POLQ: variants seen among roughly 807,000 people sequenced by gnomAD.
The protein encoded by POLQ is DNA polymerase theta.
POLQ carries 233 observed loss-of-function variants against 259.2 expected under a neutral mutation model. The ratio of observed to expected loss-of-function variants is 0.90; its 90% confidence interval spans 0.81 to 1.00. The LOEUF (loss-of-function observed/expected upper bound fraction) is 1.00. Ranked by LOEUF, POLQ falls within the 50% of genes least tolerant of loss-of-function variation. The probability of loss-of-function intolerance (pLI) is 0.00; values close to 1 mark genes in which losing one functional copy is unlikely to be tolerated. For synonymous variants in POLQ, 1,025 were observed against 1,048.8 expected (o/e 0.98, Z 0.44); for missense variants, 2,871 against 3,051.6 (o/e 0.94, Z 1.39).
chr3:121,510,743 T>C (rs780153524), intron 10 of POLQ, among the ~76,000 whole-genome samples: 61 of 152,188 alleles, frequency 4.0e-4, no homozygotes, highest in Non-Finnish European at 7.4e-4. Context: ...TAACACCTAA[T>C]GACAACAGAA....
chr3:121,488,011 T>C lies in POLQ; in HGVS notation c.4920A>G (p.Pro1640=). 1 of 1,613,686 alleles carries C rather than the reference T, an allele frequency of 6.2e-7. No homozygotes were observed. Residue 1640 remains proline, a synonymous_variant, in exon 16 of 30, where the codon CCA becomes CCG. Transcript: ENST00000264233. ...CTTTATCTAAAATCCTTTGCAGTCC[T>C]GGACTTAGATCAAATGATGCCCCTG... ...IWSGASFDLS[P]GLQRILDKVS... is the part of the protein sequence containing the mutation.
At chr3:121,453,732 GA>G (rs2047702717) in intron 25 of POLQ, among the ~76,000 whole-genome samples, 2 of 152,166 alleles carry the variant, frequency 1.3e-5, no homozygotes, top group Non-Finnish European at 2.9e-5. Context: ...GAGATTATGT[GA>G]AAAGACCAAA....
At chr3:121,479,941 G>A (rs774526223) in intron 19 of POLQ, among the ~76,000 whole-genome samples, 40 of 152,104 alleles carry the variant, frequency 2.6e-4, no homozygotes, top group South Asian at 8.3e-4. Context: ...CAAAGGCAAA[G>A]GTTGGTTCTT....
intron 28 of POLQ, among the ~76,000 whole-genome samples, chr3:121,435,246 C>A (rs1384643955): frequency 2.6e-5 from 4 of 151,470 alleles, no homozygotes; most frequent in African/African-American, 9.7e-5. Flanking sequence ...TGGAATGTGA[C>A]AGAAGAAAAA....
Position 121,541,456 on chromosome 3 carries a change from G to T in POLQ, c.367C>A (p.Leu123Ile). Residue 123 changes from leucine (L) to isoleucine (I), a missense_variant, in exon 3 of 30, where the codon CTT becomes ATT. Coordinates refer to ENST00000264233, the MANE Select transcript of POLQ (RefSeq NM_199420.4). ...TTCAAAATAAGTAATTCTGCCACAA[G>T]AGTCTTCCCAGCACTTGTAGGAGCT... ...YSAPTSAGKT[L>I]VAELLILKRV... The T allele has an allele frequency of 6.2e-7, 1 of 1,609,754 alleles. No individual in the cohort carries two copies. The highest frequency in any genetic ancestry group is 8.5e-7 in the Non-Finnish European group (1 of 1,178,142).
In POLQ at chr3:121,432,238, T is replaced by A. The variant is rs2047499540; in HGVS notation, c.*66A>T. The A allele has an allele frequency of 6.9e-7, 1 of 1,450,624 alleles. No homozygotes were observed. The highest frequency in any genetic ancestry group is 1.4e-5 in the South Asian group (1 of 71,612). The allele number at this position is 1,450,624 out of a possible 1,614,324, so 89.9% of individuals were successfully genotyped here. A position where few individuals can be genotyped will look rare whatever the true frequency, so the allele number is the denominator to read the frequency against. On this transcript the variant is annotated 3_prime_UTR_variant, in exon 30 of 30. Coordinates refer to ENST00000264233, the MANE Select transcript of POLQ (RefSeq NM_199420.4). The stretch of plus-strand genomic sequence containing the variant: ...TTTGCTGAGGTAGGTGAAAGGGTAA[T>A]CTCTGTTCTTTCCAGGTGACTGCAT...
intron 19 of POLQ, among the ~76,000 whole-genome samples, chr3:121,478,767 A>T (rs907783943): frequency 6.6e-6 from 1 of 152,290 alleles, no homozygotes; most frequent in African/African-American, 2.4e-5. Context: ...AAAAATCATT[A>T]TTTGTAATAC....
intron 25 of POLQ, among the ~76,000 whole-genome samples, chr3:121,455,096 C>A (rs202123728): frequency 3.3e-4 from 48 of 143,628 alleles, no homozygotes; most frequent in African/African-American, 4.5e-4. Context: ...AACCACTCAA[C>A]TACATGGAAA....
At position 121,544,814 on chromosome 3, in the gene POLQ, T is replaced by C; in HGVS notation, c.256A>G (p.Ser86Gly). ...TCAAACATCTTTTTTACACCAAAAC[T>C]GTGGTATTTTTCCAGAACTGCTTTA... The part of the protein sequence containing the change: ...LPKAVLEKYH[S>G]FGVKKMFEWQ... The change falls in exon 2 of 30, where the codon AGT becomes GGT. Residue 86 changes from serine to glycine, a missense_variant. Ser to Gly is a moderately conservative substitution (Grantham distance 56, BLOSUM62 0). Transcript: ENST00000264233. The C allele has an allele frequency of 6.2e-7, 1 of 1,612,798 alleles. No homozygotes were observed. The highest frequency in any genetic ancestry group is 8.5e-7 in the Non-Finnish European group (1 of 1,178,814).
At chr3:121,441,290 A>G (rs1479039176) in intron 26 of POLQ, among the ~76,000 whole-genome samples, 1 of 152,210 alleles carries the variant, frequency 6.6e-6, no homozygotes, top group Non-Finnish European at 1.5e-5. Flanking sequence ...TACATGCAAC[A>G]AAATACACTC....
rs1302228798 is a variant in POLQ at position 121,522,163 on chromosome 3, A to T, written c.1109-14T>A. On this transcript the variant is annotated splice_polypyrimidine_tract_variant and intron_variant, in intron 7 of 29. Coordinates refer to ENST00000264233, the MANE Select transcript of POLQ (RefSeq NM_199420.4). Reference sequence around the variant, plus strand: ...GTTTCACCAATCCTGTCACAAAAAAATTATCAACACCATTTGCTTCTAACT... The same window carrying T: ...GTTTCACCAATCCTGTCACAAAAAATTTATCAACACCATTTGCTTCTAACT... 1.3e-6 allele frequency: 2 copies of T among 1,589,332 alleles called. No homozygotes were observed. The highest frequency in any genetic ancestry group is 1.2e-5 in the South Asian group (1 of 86,228).
chr3:121,457,952 A>G (rs2108782871), intron 25 of POLQ, among the ~76,000 whole-genome samples: 2 of 152,344 alleles, frequency 1.3e-5, no homozygotes, highest in African/African-American at 4.8e-5. Context: ...TTATTGCGGC[A>G]CTATTCACAA....
chr3:121,463,491 C>T (rs766835109), intron 24 of POLQ, among the ~76,000 whole-genome samples: 3 of 152,158 alleles, frequency 2.0e-5, no homozygotes, highest in Non-Finnish European at 4.4e-5. Flanking sequence ...GGTAACCTAA[C>T]AGTATGATAG....
chr3:121,507,723 C>A (rs1313738033), intron 12 of POLQ, among the ~76,000 whole-genome samples: 3 of 151,996 alleles, frequency 2.0e-5, no homozygotes, highest in Non-Finnish European at 4.4e-5. Flanking sequence ...TGAGACTCTA[C>A]TCAAAAAATA....
intron 28 of POLQ, among the ~76,000 whole-genome samples, chr3:121,434,237 A>C (rs967847152): frequency 6.6e-6 from 1 of 151,890 alleles, no homozygotes; most frequent in South Asian, 2.1e-4. Context: ...CTTTCATCCT[A>C]CTGACCTAGT....
At position 121,487,823 on chromosome 3, in the gene POLQ, C is replaced by T. The variant is rs766304861; in HGVS notation, c.5108G>A (p.Ser1703Asn). The change falls in exon 16 of 30, where the codon AGC (serine) becomes AAC (asparagine). Residue 1703 changes from serine (S) to asparagine (N), a missense_variant. By Grantham distance (46) the Ser-to-Asn change is conservative (BLOSUM62 1). Around this residue, in one of 3 missense-constraint regions of POLQ, gnomAD observed 2,080 missense variants for 2,126.0 expected, o/e 0.98. Coordinates refer to ENST00000264233, the MANE Select transcript of POLQ (RefSeq NM_199420.4). ...ISFSSNNEVK[S>N]KIEMLENNAN... ...ATTGTTTTCTAGCATCTCAATCTTGCTTTTTACTTCATTATTAGAAGAAAA... is the reference window on the plus strand; with the variant it reads ...ATTGTTTTCTAGCATCTCAATCTTGTTTTTTACTTCATTATTAGAAGAAAA... 1.2e-5 allele frequency: 20 copies of T among 1,609,106 alleles called. No individual in the cohort carries two copies. The highest frequency in any genetic ancestry group is 1.7e-5 in the Non-Finnish European group (20 of 1,178,610).
chr3:121,478,349 A>G (rs933227181), intron 19 of POLQ, among the ~76,000 whole-genome samples: 1 of 152,158 alleles, frequency 6.6e-6, no homozygotes, highest in African/African-American at 2.4e-5. Context: ...AAAATACAAG[A>G]CAGCAAAGAA....
At chr3:121,461,966 T>C (rs1219764317) in intron 24 of POLQ, among the ~76,000 whole-genome samples, 4 of 152,300 alleles carry the variant, frequency 2.6e-5, no homozygotes, top group Non-Finnish European at 5.9e-5. Flanking sequence ...TAATTTAAAA[T>C]ACAGGTTGAG....
At chr3:121,528,722 G>A (rs1470491609) in intron 7 of POLQ, among the ~76,000 whole-genome samples, 1 of 152,114 alleles carries the variant, frequency 6.6e-6, no homozygotes, top group African/African-American at 2.4e-5. Flanking sequence ...GGAGGCCAAG[G>A]CAGGCGGATC....
Sources: gnomAD v4.1 joint callset for allele counts (sites outside exome capture counted in the v4.1 genomes callset) on GRCh38, gnomAD v4.1.1 for gene constraint, gnomAD v4.1.1 regional missense constraint, MANE v1.5 for transcripts, NCBI Gene and HGNC (gene_info 2026-07-23, HGNC 2026-07-21) for gene names.